Variants in ELAC1 observed in about 807,000 individuals in gnomAD.
ELAC1 encodes the protein elaC ribonuclease Z 1, also known as zinc phosphodiesterase ELAC protein 1.
In ELAC1, 19 loss-of-function variants were observed where a neutral mutation model predicts 25.8. That is an observed-to-expected ratio of 0.74 (90% confidence interval 0.51 to 1.08). The LOEUF is 1.08. Among genes scored for constraint, ELAC1 ranks in the 50% least tolerant of loss-of-function variants. The pLI, the probability that ELAC1 is intolerant of heterozygous loss-of-function variation, is 0.00. For synonymous variants in ELAC1, 148 were observed against 160.9 expected (o/e 0.92, Z 0.61); for missense variants, 403 against 434.6 (o/e 0.93, Z 0.65).
rs758801206 is a variant in ELAC1, at chr18:50,987,071, C to T, written c.1078C>T (p.Pro360Ser). The change falls in exon 4 of 4, where the codon CCA (proline) becomes TCA (serine). Residue 360 changes from proline to serine, a missense_variant. Physicochemically the swap from Pro to Ser is moderately conservative, Grantham distance 74. Transcript: ENST00000269466. ...LAEDFMVISI[P>S]IKK ...AGAAGATTTTATGGTGATAAGCATT[C>T]CAATCAAGAAATGAAACCAGTGTTC... is the stretch of plus-strand genomic sequence containing the variant. The T allele has an allele frequency of 1.3e-6, 2 of 1,538,056 alleles. No homozygotes were observed. Among genetic ancestry groups the T allele is most frequent in the Non-Finnish European group, 1.8e-6 (2 of 1,141,778 alleles).
intron 2 of ELAC1, among the ~76,000 whole-genome samples, chr18:50,980,764 A>G (rs1022134043): frequency 1.3e-4 from 18 of 140,018 alleles, no homozygotes; most frequent in African/African-American, 2.6e-4. Context: ...CTCCATCTCG[A>G]AAAAAAAAAA....
rs752476108 is a variant in ELAC1 at position 50,986,816 on chromosome 18, G to A, written c.823G>A (p.Glu275Lys). Residue 275 changes from glutamate (E) to lysine (K), a missense_variant, in exon 4 of 4, where the codon GAA (glutamate) becomes AAA (lysine). Coordinates refer to ENST00000269466, the MANE Select transcript of ELAC1 (RefSeq NM_018696.3). ...LCFEADLLIHEATLDDAQMDK... is the reference protein window; with the variant it reads ...LCFEADLLIHKATLDDAQMDK... ...CTTTGAAGCAGACCTGTTGATCCAC[G>A]AAGCAACCCTGGATGATGCCCAGAT... 5.7e-5 allele frequency: 92 copies of A among 1,614,052 alleles called. No individual in the cohort carries two copies. The highest frequency in any genetic ancestry group is 7.0e-5 in the Non-Finnish European group (83 of 1,180,028).
intron 1 of ELAC1, among the ~76,000 whole-genome samples, chr18:50,972,625 G>A (rs1001154473): frequency 6.6e-6 from 1 of 152,154 alleles, no homozygotes; most frequent in African/African-American, 2.4e-5. Context: ...TGGGACTACA[G>A]GTGTGCGCCA....
In ELAC1 at chr18:50,974,551, A is replaced by G; in HGVS notation, c.147A>G (p.Gln49=). 3 of 1,613,950 alleles carry G rather than the reference A, an allele frequency of 1.9e-6. No individual in the cohort carries two copies. The highest frequency in any genetic ancestry group is 2.5e-6 in the Non-Finnish European group (3 of 1,179,968). The change falls in exon 2 of 4, where the codon CAA becomes CAG. Residue 49 remains glutamine (Q), a synonymous_variant. Transcript: ENST00000269466. The part of the protein sequence containing the change: ...EGTQTQLMKS[Q]LKAGRITKIF... ...CACAGACACAGCTTATGAAAAGCCA[A>G]CTTAAAGCAGGTTAGTGTGCCTTCA...
chr18:50,974,095 C>A (rs544354854), intron 1 of ELAC1, among the ~76,000 whole-genome samples: 56 of 152,344 alleles, frequency 3.7e-4, no homozygotes, highest in Non-Finnish European at 6.9e-4. Context: ...ACGATTTTTA[C>A]TGTCTCCATA....
chr18:50,975,222 A>G (rs190710130), intron 2 of ELAC1, among the ~76,000 whole-genome samples: 3 of 152,264 alleles, frequency 2.0e-5, no homozygotes, highest in Admixed American at 2.0e-4. Context: ...GATCTTGAAA[A>G]TGGGGATAAA....
At position 50,984,355 on chromosome 18, in the gene ELAC1, G is replaced by A. The variant is rs146406776; in HGVS notation, c.417G>A (p.Ala139=). 1.3e-5 allele frequency: 21 copies of A among 1,614,054 alleles called. No homozygotes were observed. The highest frequency in any genetic ancestry group is 9.3e-5 in the African/African-American group (7 of 74,916). Residue 139 remains alanine, a synonymous_variant, in exon 3 of 4, where the codon GCG becomes GCA. Coordinates refer to ENST00000269466, the MANE Select transcript of ELAC1 (RefSeq NM_018696.3). ...QCPAEELKEF[A]HVNRADSPPK... is the part of the protein sequence containing the mutation. ...CTGCAGAAGAACTAAAAGAATTTGC[G>A]CATGTGAATAGAGCAGACAGTCCTC...
chr18:50,985,597 C>G (rs1908087254), intron 3 of ELAC1, among the ~76,000 whole-genome samples: 3 of 152,256 alleles, frequency 2.0e-5, no homozygotes, highest in Admixed American at 2.0e-4. Flanking sequence ...GTAAAAAGCA[C>G]AGTGGCATTT....
chr18:50,983,538 G>A (rs968963301), intron 2 of ELAC1, among the ~76,000 whole-genome samples: 7 of 151,412 alleles, frequency 4.6e-5, no homozygotes, highest in African/African-American at 1.7e-4. Flanking sequence ...ATATGAAGAT[G>A]TCTTATGAAA....
intron 2 of ELAC1, among the ~76,000 whole-genome samples, chr18:50,977,532 G>T (rs1907824862): frequency 6.6e-6 from 1 of 152,210 alleles, no homozygotes; most frequent in Non-Finnish European, 1.5e-5. Context: ...GCACGAAGCA[G>T]CAAGGCCCTG....
In ELAC1 at chr18:50,988,120, A is replaced by G. The variant is rs1045732303; in HGVS notation, c.*1035A>G. The G allele has an allele frequency of 9.9e-5, 15 of 152,202 alleles. No individual in the cohort carries two copies. The highest frequency in any genetic ancestry group is 1.9e-4 in the Non-Finnish European group (13 of 68,026). The allele number at this position is 152,202 out of a possible 1,614,324, so 9.4% of individuals were successfully genotyped here. On this transcript the variant is annotated 3_prime_UTR_variant, in exon 4 of 4. Transcript: ENST00000269466. ...TATTAATAAACGTTATTTGCCCCAC[A>G]ATGTTTCTTAAAACATGCTCCATGG...
intron 1 of ELAC1, 188 bp downstream of exon 1, chr18:50,968,302 A>G (rs1423770626): frequency 6.6e-6 from 1 of 151,630 alleles, no homozygotes; most frequent in Non-Finnish European, 1.5e-5. Context: ...GCCGCCGCCC[A>G]CCCAGCCTTT....
Position 50,986,506 on chromosome 18 carries a change from A to C in ELAC1, c.626-113A>C. On this transcript the variant is annotated intron_variant, in intron 3 of 3. Coordinates refer to ENST00000269466, the MANE Select transcript of ELAC1 (RefSeq NM_018696.3). ...GTTTTCCACAAGTAGTAAAACATTTATAACAATTATGGATGCCTTTTCCAT... is the reference window on the plus strand; with the variant it reads ...GTTTTCCACAAGTAGTAAAACATTTCTAACAATTATGGATGCCTTTTCCAT... The C allele has an allele frequency of 3.7e-6, 3 of 806,082 alleles. No individual in the cohort carries two copies. The South Asian group carries it at 5.8e-5, about 16-fold the overall frequency. 49.9% of individuals were successfully genotyped at this position (806,082 alleles called of 1,614,324 possible).
Position 50,984,486 on chromosome 18 carries a change from G to A in ELAC1, c.548G>A (p.Arg183Lys). 6.2e-7 allele frequency: 1 copy of A among 1,613,288 alleles called. No individual in the cohort carries two copies. ...FVVKAFRLFHRIPSFGFSVVE... is the reference protein window; with the variant it reads ...FVVKAFRLFHKIPSFGFSVVE... ...GTAAAAGCATTTCGCCTCTTTCACA[G>A]AATTCCCTCATTTGGGTTTTCAGTC... is the stretch of plus-strand genomic sequence containing the variant. Residue 183 changes from arginine to lysine, a missense_variant, in exon 3 of 4, where the codon AGA becomes AAA. Transcript: ENST00000269466.
chr18:50,972,753 G>T (rs557545073), intron 1 of ELAC1, among the ~76,000 whole-genome samples: 56 of 152,272 alleles, frequency 3.7e-4, no homozygotes, highest in Non-Finnish European at 6.9e-4. Flanking sequence ...AAAGTGCTGG[G>T]ATAACAGGCA....
At chr18:50,970,846 A>T (rs968130030) in intron 1 of ELAC1, among the ~76,000 whole-genome samples, 15 of 151,864 alleles carry the variant, frequency 9.9e-5, no homozygotes, top group Non-Finnish European at 1.9e-4. Context: ...GAGATAACCC[A>T]TATTAACAGG....
intron 1 of ELAC1, chr18:50,968,848 C>G (rs978267302): frequency 6.6e-6 from 1 of 152,148 alleles, no homozygotes; most frequent in Non-Finnish European, 1.5e-5. Context: ...TACTTCCCGA[C>G]CTATTTGGAG....
intron 3 of ELAC1, chr18:50,984,884 A>G (rs1190231296): frequency 2.3e-6 from 1 of 434,810 alleles, no homozygotes; most frequent in African/African-American, 2.0e-5. Flanking sequence ...GTAAGCCAAG[A>G]TAGTGTTACT....
chr18:50,972,168 A>T (rs1476747886), intron 1 of ELAC1, among the ~76,000 whole-genome samples: 4 of 151,580 alleles, frequency 2.6e-5, no homozygotes, highest in Non-Finnish European at 5.9e-5. Flanking sequence ...TCTTGCCAAT[A>T]AGGGCTTCCC....
Sources: gnomAD v4.1 joint callset for allele counts (sites outside exome capture counted in the v4.1 genomes callset) on GRCh38, gnomAD v4.1.1 for gene constraint, MANE v1.5 for transcripts, NCBI Gene and HGNC (gene_info 2026-07-23, HGNC 2026-07-21) for gene names.